PKNOX2: variants seen among roughly 807,000 people sequenced by gnomAD.
PKNOX2 encodes homeobox protein PKNOX2.
PKNOX2 carries 14 observed loss-of-function variants against 53.1 expected under a neutral mutation model. That is an observed-to-expected ratio of 0.26 (90% CI 0.17 to 0.41). The LOEUF (loss-of-function observed/expected upper bound fraction) is 0.41, where lower values mean the gene tolerates loss of function less well. Among genes scored for constraint, PKNOX2 ranks in the 10% least tolerant of loss-of-function variants. The pLI, the probability that PKNOX2 is intolerant of heterozygous loss-of-function variation, is 1.00. For synonymous variants in PKNOX2, 257 were observed against 242.8 expected (o/e 1.06, Z -0.54); for missense variants, 496 against 602.8 (o/e 0.82, Z 1.85).
At chr11:125,203,230 G>A (rs774901106) in intron 1 of PKNOX2, among the ~76,000 whole-genome samples, 6 of 152,100 alleles carry the variant, frequency 3.9e-5, no homozygotes, top group Non-Finnish European at 5.9e-5. Flanking sequence ...CAATCCTCCC[G>A]CCTCAGACTC....
In PKNOX2 at chr11:125,351,014, G is replaced by A. The variant is rs145120173; in HGVS notation, c.-22-270G>A. Among the ~76,000 whole-genome samples, 306 of 152,186 alleles carry A rather than the reference G, an allele frequency of 2.0e-3. 3 individuals carry two copies. Among genetic ancestry groups the A allele is most frequent in the Non-Finnish European group, 2.3e-3 (156 of 67,986 alleles). On this transcript the variant is annotated intron_variant, in intron 3 of 12. Transcript: ENST00000298282. ...CCCTCCCCACACGTACAACAGGCCG[G>A]AGCTGATGCTGAACAAAGCGCCGCT... is the stretch of plus-strand genomic sequence containing the variant.
chr11:125,258,287 C>G (rs1944570111), intron 2 of PKNOX2, among the ~76,000 whole-genome samples: 1 of 152,288 alleles, frequency 6.6e-6, no homozygotes, highest in Non-Finnish European at 1.5e-5. Flanking sequence ...AACCCATATA[C>G]TCCGGGAAGT....
intron 1 of PKNOX2, among the ~76,000 whole-genome samples, chr11:125,169,519 A>G (rs1031651963): frequency 1.3e-5 from 2 of 152,168 alleles, no homozygotes; most frequent in African/African-American, 4.8e-5. Flanking sequence ...GCTAGTGTTT[A>G]GGCTGAAATT....
chr11:125,226,982 C>T (rs1941752272), intron 1 of PKNOX2, among the ~76,000 whole-genome samples: 1 of 152,052 alleles, frequency 6.6e-6, no homozygotes, highest in Admixed American at 6.6e-5. Context: ...CCCTTATCCT[C>T]TCCTTGGACT....
At chr11:125,264,812 G>A (rs1263181663) in intron 2 of PKNOX2, among the ~76,000 whole-genome samples, 2 of 152,062 alleles carry the variant, frequency 1.3e-5, no homozygotes, top group Admixed American at 1.3e-4. Flanking sequence ...GGGATGTGGG[G>A]GACTCGAGAA....
At chr11:125,395,288 G>A (rs1455859388) in intron 6 of PKNOX2, among the ~76,000 whole-genome samples, 1 of 152,128 alleles carries the variant, frequency 6.6e-6, no homozygotes, top group Non-Finnish European at 1.5e-5. Flanking sequence ...TCCATGATAT[G>A]GATGAATTAC....
intron 1 of PKNOX2, among the ~76,000 whole-genome samples, chr11:125,225,866 T>C (rs1941639225): frequency 2.0e-5 from 3 of 152,204 alleles, no homozygotes; most frequent in Non-Finnish European, 2.9e-5. Context: ...GTAGGCTGTA[T>C]TTCTTTTTTT....
At chr11:125,172,435 G>A (rs1955395198) in intron 1 of PKNOX2, among the ~76,000 whole-genome samples, 4 of 152,140 alleles carry the variant, frequency 2.6e-5, no homozygotes, top group Admixed American at 2.6e-4. Context: ...AGAGACTATA[G>A]GCCCACATCC....
At chr11:125,288,823 CT>C (rs1947102779) in intron 2 of PKNOX2, among the ~76,000 whole-genome samples, 1 of 152,228 alleles carries the variant, frequency 6.6e-6, no homozygotes, top group South Asian at 2.1e-4. Flanking sequence ...CCCAGACCCC[CT>C]GAATCTGAAT....
At chr11:125,198,834 TCTTCTTC>T (rs1318015895) in intron 1 of PKNOX2, among the ~76,000 whole-genome samples, 2 of 138,068 alleles carry the variant, frequency 1.4e-5, no homozygotes, top group Admixed American at 7.9e-5. Flanking sequence ...TTCTTCTTCT[TCTTCTTC>T]TTTTTTTTTT....
rs990641695 is a variant in PKNOX2, at chr11:125,233,167, G to T, written c.-200-1878G>T. On this transcript the variant is annotated intron_variant, in intron 1 of 12. Transcript: ENST00000298282. ...AGCCTGTTCTTTCAGCTTGCTAAAAGTTTTATAACAATCTTGAATCTAGCC... is the reference window on the plus strand; with the variant it reads ...AGCCTGTTCTTTCAGCTTGCTAAAATTTTTATAACAATCTTGAATCTAGCC... Among the ~76,000 whole-genome samples, 4 of 152,194 alleles carry T rather than the reference G, an allele frequency of 2.6e-5. 1 individual carries two copies. Among genetic ancestry groups the T allele is most frequent in the Admixed American group, 2.6e-4 (4 of 15,276 alleles).
intron 1 of PKNOX2, among the ~76,000 whole-genome samples, chr11:125,176,840 G>A (rs1374141351): frequency 6.6e-6 from 1 of 152,230 alleles, no homozygotes; most frequent in Non-Finnish European, 1.5e-5. Flanking sequence ...TTCCCAGTCA[G>A]CTGCATCACA....
chr11:125,321,616 A>G (rs557236001), intron 2 of PKNOX2, among the ~76,000 whole-genome samples: 1 of 152,252 alleles, frequency 6.6e-6, no homozygotes, highest in Non-Finnish European at 1.5e-5. Flanking sequence ...AGGGCTGACC[A>G]TGTTCAACGC....
chr11:125,418,310 A>G (rs1955996176), intron 10 of PKNOX2, among the ~76,000 whole-genome samples: 1 of 152,076 alleles, frequency 6.6e-6, no homozygotes. Flanking sequence ...AGCATATTCC[A>G]TGGTACAGAT....
chr11:125,189,070 G>A (rs879381958), intron 1 of PKNOX2, among the ~76,000 whole-genome samples: 3 of 151,854 alleles, frequency 2.0e-5, no homozygotes, highest in East Asian at 1.9e-4. Flanking sequence ...AGAAGGCTGC[G>A]TTTTTGCTCT....
At chr11:125,373,774 G>A (rs1454213542) in intron 5 of PKNOX2, among the ~76,000 whole-genome samples, 1 of 152,216 alleles carries the variant, frequency 6.6e-6, no homozygotes, top group African/African-American at 2.4e-5. Context: ...CCTGTGCAGG[G>A]ACAGAGGGAA....
At chr11:125,378,783 A>G (rs1428187426) in intron 5 of PKNOX2, among the ~76,000 whole-genome samples, 2 of 152,128 alleles carry the variant, frequency 1.3e-5, no homozygotes, top group Non-Finnish European at 2.9e-5. Flanking sequence ...CAGCATTCAC[A>G]TCTCCCCTTG....
intron 2 of PKNOX2, among the ~76,000 whole-genome samples, chr11:125,311,464 A>T (rs576921840): frequency 1.3e-5 from 2 of 152,312 alleles, no homozygotes; most frequent in East Asian, 3.9e-4. Context: ...GGTAGAAGGG[A>T]CAAGGGTTAG....
intron 3 of PKNOX2, 42 bp downstream of exon 3, chr11:125,331,967 C>T (rs1950166253): frequency 6.6e-6 from 1 of 152,174 alleles, no homozygotes; most frequent in Admixed American, 6.5e-5. Context: ...AGTTACACCC[C>T]CCAAGCAGGA....
Sources: allele counts gnomAD v4.1 joint callset (sites outside exome capture counted in the v4.1 genomes callset), GRCh38; gene constraint gnomAD v4.1.1; transcripts MANE v1.5; gene names NCBI Gene and HGNC (gene_info 2026-07-23, HGNC 2026-07-21).